Variants in BCAS3 observed in about 807,000 individuals in gnomAD.
The protein encoded by BCAS3 is BCAS3 microtubule associated cell migration factor, also known as BCAS4/BCAS3 fusion.
Under a neutral mutation model 116.1 loss-of-function variants are expected in BCAS3, and 53 were observed. That is an observed-to-expected ratio of 0.46 (90% CI 0.37 to 0.57). The LOEUF is 0.57. BCAS3 is among the 20% of genes least tolerant of loss of function. The pLI is 0.00. For missense variants in BCAS3, 917 were observed against 1,165.4 expected (o/e 0.79, Z 3.10); for synonymous variants, 391 against 408.2 (o/e 0.96, Z 0.51).
intron 22 of BCAS3, among the ~76,000 whole-genome samples, chr17:61,197,727 C>A (rs908533035): frequency 6.6e-6 from 1 of 152,158 alleles, no homozygotes; most frequent in Non-Finnish European, 1.5e-5. Context: ...TAGTGCCAAG[C>A]CAGTCTGGAT....
intron 7 of BCAS3, among the ~76,000 whole-genome samples, chr17:60,851,059 C>T (rs1416258080): frequency 2.0e-5 from 3 of 152,068 alleles, no homozygotes; most frequent in South Asian, 2.1e-4. Flanking sequence ...ACACCGAAAG[C>T]GCAATCATAA....
In BCAS3 at chr17:60,986,430, G is replaced by T. The variant is rs2063146026; in HGVS notation, c.1222-3541G>T. 2.0e-5 allele frequency among the ~76,000 whole-genome samples: 3 copies of T among 152,166 alleles called. No individual in the cohort carries two copies. In the South Asian group the frequency reaches 6.2e-4, roughly 32 times the overall value. ...AGGAACCTCCAAATTGTTCTCCATA[G>T]TGGTTGTATTAATTTACATTCCCAC... On this transcript the variant is annotated intron_variant, in intron 14 of 23. Coordinates refer to ENST00000407086, the MANE Select transcript of BCAS3 (RefSeq NM_017679.5).
intron 6 of BCAS3, among the ~76,000 whole-genome samples, chr17:60,786,054 G>C (rs1195749856): frequency 6.6e-6 from 1 of 152,206 alleles, no homozygotes; most frequent in African/African-American, 2.4e-5. Flanking sequence ...AGCATCTGCA[G>C]ATTTTGGTAT....
At chr17:61,159,397 T>A (rs564560102) in intron 22 of BCAS3, 1 of 152,210 alleles carries the variant, frequency 6.6e-6, no homozygotes, top group Admixed American at 6.5e-5. Context: ...ACTTGTGAGA[T>A]GATTTCAGGT....
At chr17:61,238,481 A>G (rs567694936) in intron 22 of BCAS3, among the ~76,000 whole-genome samples, 47 of 152,030 alleles carry the variant, frequency 3.1e-4, no homozygotes, top group African/African-American at 1.1e-3. Flanking sequence ...TCAGCCTCCC[A>G]AAGTGCTGGG....
chr17:60,896,457 A>G lies in BCAS3; in HGVS notation c.739-6163A>G, dbSNP rs542305575. Reference sequence around the variant, plus strand: ...TTTCAGTTTATCTCTCTCTTTAGATATAGTATATACTAATATTTGCTTTAG... The same window carrying G: ...TTTCAGTTTATCTCTCTCTTTAGATGTAGTATATACTAATATTTGCTTTAG... On this transcript the variant is annotated intron_variant, in intron 10 of 23. Coordinates refer to ENST00000407086, the MANE Select transcript of BCAS3 (RefSeq NM_017679.5). Among the ~76,000 whole-genome samples, 3 of 152,314 alleles carry G rather than the reference A, an allele frequency of 2.0e-5. No homozygotes were observed. The South Asian group carries it at 6.2e-4, about 32-fold the overall frequency.
chr17:60,737,294 A>G lies in BCAS3; in HGVS notation c.322-9904A>G, dbSNP rs544460107. On this transcript the variant is annotated intron_variant, in intron 5 of 23. Coordinates refer to ENST00000407086, the MANE Select transcript of BCAS3 (RefSeq NM_017679.5). ...TTGTGCCTTCTCTGTTTCTTTTTCA[A>G]TTAGCTTGGCTAGAGTCTTAATTTT... 2.3e-4 allele frequency among the ~76,000 whole-genome samples: 35 copies of G among 152,020 alleles called. 1 individual carries two copies. The highest frequency in any genetic ancestry group is 8.3e-4 in the South Asian group (4 of 4,820).
chr17:61,075,735 A>C lies in BCAS3; in HGVS notation c.2130+715A>C, dbSNP rs142410435. ...CTTTGGGATTTGTTTTGTGGAGCCA[A>C]CATTTTCCGAAGATTGAGTTCATAC... On this transcript the variant is annotated intron_variant, in intron 20 of 23. Transcript: ENST00000407086. Among the ~76,000 whole-genome samples the C allele has an allele frequency of 4.6e-5, 7 of 152,318 alleles. No individual in the cohort carries two copies. The East Asian group carries it at 1.3e-3, about 29-fold the overall frequency.
At chr17:61,303,163 T>C (rs1319245319) in intron 22 of BCAS3, among the ~76,000 whole-genome samples, 1 of 152,176 alleles carries the variant, frequency 6.6e-6, no homozygotes, top group East Asian at 1.9e-4. Flanking sequence ...ATTTTCCAGA[T>C]AATATTAGCA....
Position 61,001,860 on chromosome 17 carries a change from T to G in BCAS3, c.1486+11625T>G, listed in dbSNP as rs185901836. On this transcript the variant is annotated intron_variant, in intron 15 of 23. Transcript: ENST00000407086. The stretch of plus-strand genomic sequence containing the variant: ...ATAGCACTCTGCTAGTTTTAACATT[T>G]ACTATTTTCTCAAGACAGAGCAGAT... 4.6e-5 allele frequency among the ~76,000 whole-genome samples: 7 copies of G among 152,290 alleles called. No individual in the cohort carries two copies. The East Asian group carries it at 9.6e-4, about 21-fold the overall frequency.
In BCAS3 at chr17:60,927,347, C is replaced by A. The variant is rs530482200; in HGVS notation, c.1087+2847C>A. ...CTCAGCTCACTGCAACCTCCGCCTC[C>A]CAGGTTCAAGCGATCCTTGTGCCTC... On this transcript the variant is annotated intron_variant, in intron 13 of 23. Transcript: ENST00000407086. Among the ~76,000 whole-genome samples, 3 of 152,220 alleles carry A rather than the reference C, an allele frequency of 2.0e-5. No homozygotes were observed. The South Asian group carries it at 6.2e-4, about 31-fold the overall frequency.
chr17:60,833,738 C>T (rs908889265), intron 7 of BCAS3, among the ~76,000 whole-genome samples: 1 of 152,304 alleles, frequency 6.6e-6, no homozygotes, highest in African/African-American at 2.4e-5. Flanking sequence ...ATTTTCACTT[C>T]ACGTATTCTT....
chr17:61,294,683 C>T (rs544454090), intron 22 of BCAS3, among the ~76,000 whole-genome samples: 1 of 152,208 alleles, frequency 6.6e-6, no homozygotes, highest in Non-Finnish European at 1.5e-5. Context: ...TTCATCTCTT[C>T]TGTCCCTGTA....
chr17:60,750,124 A>G lies in BCAS3; in HGVS notation c.403+2845A>G, dbSNP rs141898932. Among the ~76,000 whole-genome samples the G allele has an allele frequency of 4.4e-3, 663 of 151,988 alleles. 6 individuals are homozygous for G. The highest frequency in any genetic ancestry group is 0.017 in the East Asian group (87 of 5,166). On this transcript the variant is annotated intron_variant, in intron 6 of 23. Coordinates refer to ENST00000407086, the MANE Select transcript of BCAS3 (RefSeq NM_017679.5). ...AGAGGTTGCAGTGAGCCGAGGTAGC[A>G]CCATTGCATTCCAGTCAGGGTGACA...
At chr17:60,925,189 G>T (rs1464986089) in intron 13 of BCAS3, among the ~76,000 whole-genome samples, 1 of 151,888 alleles carries the variant, frequency 6.6e-6, no homozygotes, top group Admixed American at 6.6e-5. Context: ...CCAAAGTATT[G>T]CCACGATGCT....
intron 14 of BCAS3, among the ~76,000 whole-genome samples, chr17:60,978,250 C>T (rs1002375906): frequency 1.5e-5 from 2 of 133,704 alleles, no homozygotes; most frequent in Non-Finnish European, 3.0e-5. Context: ...CTCTGATGGC[C>T]AGTGATGGTG....
rs2080968736 is a variant in BCAS3 at position 61,203,684 on chromosome 17, G to A, written c.2425+119120G>A. On this transcript the variant is annotated intron_variant, in intron 22 of 23. Coordinates refer to ENST00000407086, the MANE Select transcript of BCAS3 (RefSeq NM_017679.5). The surrounding 1 kb of genome is among the most constrained non-coding windows in gnomAD (Gnocchi z 5.7). ...CATATTTTGCCTTCCGTTCATCTTT[G>A]TAACCATTTTTTTGTTTCAGGTTGA... Among the ~76,000 whole-genome samples the A allele has an allele frequency of 6.6e-6, 1 of 152,146 alleles. No homozygotes were observed. Among genetic ancestry groups the A allele is most frequent in the Non-Finnish European group, 1.5e-5 (1 of 68,028 alleles).
chr17:60,950,972 G>A (rs1368498295), intron 14 of BCAS3, among the ~76,000 whole-genome samples: 1 of 152,176 alleles, frequency 6.6e-6, no homozygotes, highest in Non-Finnish European at 1.5e-5. Flanking sequence ...ATCCCGTGGA[G>A]ATTTTTATTT....
At chr17:60,983,272 T>A (rs934776470) in intron 14 of BCAS3, among the ~76,000 whole-genome samples, 2 of 152,180 alleles carry the variant, frequency 1.3e-5, no homozygotes, top group Non-Finnish European at 2.9e-5. Flanking sequence ...CATTCCATAA[T>A]TGAGGTCCAA....
Sources: gnomAD v4.1 joint callset for allele counts (sites outside exome capture counted in the v4.1 genomes callset) on GRCh38, gnomAD v4.1.1 for gene constraint, Gnocchi (gnomAD v3.1) non-coding constraint, MANE v1.5 for transcripts, NCBI Gene and HGNC (gene_info 2026-07-23, HGNC 2026-07-21) for gene names.